TRPM3: variants seen among roughly 807,000 people sequenced by gnomAD.
TRPM3 encodes transient receptor potential cation channel subfamily M member 3.
A neutral mutation model predicts 181.2 loss-of-function variants in TRPM3; 77 were observed. That is an observed-to-expected ratio of 0.42 (90% CI 0.35 to 0.51). The LOEUF is 0.51. TRPM3 is among the 20% of genes least tolerant of loss of function. The pLI, the probability that TRPM3 is intolerant of heterozygous loss-of-function variation, is 0.01. For synonymous variants in TRPM3, 745 were observed against 796.4 expected (o/e 0.94, Z 1.09); for missense variants, 1,759 against 2,196.7 (o/e 0.80, Z 3.98).
intron 1 of TRPM3, among the ~76,000 whole-genome samples, chr9:70,875,208 A>G (rs1408532509): frequency 6.6e-6 from 1 of 151,934 alleles, no homozygotes; most frequent in Non-Finnish European, 1.5e-5. Flanking sequence ...ATGACCTTGG[A>G]GGAGTGACTT....
intron 1 of TRPM3, among the ~76,000 whole-genome samples, chr9:71,381,358 T>C (rs1479803936): frequency 6.6e-6 from 1 of 152,074 alleles, no homozygotes; most frequent in East Asian, 1.9e-4. Context: ...GGTGGGTATA[T>C]CACTGGGGAC....
At chr9:70,933,378 A>T (rs2096794195) in intron 1 of TRPM3, among the ~76,000 whole-genome samples, 1 of 152,226 alleles carries the variant, frequency 6.6e-6, no homozygotes, top group African/African-American at 2.4e-5. Context: ...TAACTCTAAC[A>T]TTTAAGGATT....
chr9:71,087,757 T>C (rs957765129), intron 1 of TRPM3, among the ~76,000 whole-genome samples: 9 of 152,110 alleles, frequency 5.9e-5, no homozygotes, highest in Non-Finnish European at 1.3e-4. Flanking sequence ...GTTGCATGTT[T>C]AGACCAACTC....
At position 71,168,003 on chromosome 9, in the gene TRPM3, C is replaced by A. The variant is rs529613864; in HGVS notation, c.183+278650G>T. 8.6e-4 allele frequency among the ~76,000 whole-genome samples: 131 copies of A among 152,212 alleles called. 1 individual carries two copies. The highest frequency in any genetic ancestry group is 2.5e-3 in the African/African-American group (103 of 41,538). On this transcript the variant is annotated intron_variant, in intron 1 of 24. Transcript: ENST00000357533. Reference sequence around the variant, plus strand: ...TAAAAATAAGTGCACTATGACATACCTCATTTAGAGGAAGAACTGTTATTA... The same window carrying A: ...TAAAAATAAGTGCACTATGACATACATCATTTAGAGGAAGAACTGTTATTA...
At chr9:71,216,855 C>T (rs1254664526) in intron 1 of TRPM3, among the ~76,000 whole-genome samples, 2 of 151,760 alleles carry the variant, frequency 1.3e-5, no homozygotes, top group Non-Finnish European at 2.9e-5. Context: ...ACATTACCAC[C>T]CAAGAAGACA....
At chr9:70,921,942 A>AACAAACACACAC (rs1554770508) in intron 1 of TRPM3, among the ~76,000 whole-genome samples, 3 of 139,500 alleles carry the variant, frequency 2.2e-5, no homozygotes, top group African/African-American at 8.2e-5. Context: ...CACACAAACA[A>AACAAACACACAC]ACACACACAC....
At chr9:71,201,543 T>A (rs990839197) in intron 1 of TRPM3, among the ~76,000 whole-genome samples, 2 of 152,214 alleles carry the variant, frequency 1.3e-5, no homozygotes, top group African/African-American at 4.8e-5. Context: ...TTTCACATAG[T>A]CCCATATTTC....
At chr9:71,239,886 C>T (rs2081565641) in intron 1 of TRPM3, among the ~76,000 whole-genome samples, 1 of 151,236 alleles carries the variant, frequency 6.6e-6, no homozygotes, top group South Asian at 2.1e-4. Flanking sequence ...TAATTTATAT[C>T]ACTACCCTAG....
chr9:71,332,073 T>G (rs1025422275), intron 1 of TRPM3, among the ~76,000 whole-genome samples: 1 of 150,878 alleles, frequency 6.6e-6, no homozygotes, highest in East Asian at 2.0e-4. Context: ...GAATAGAAAA[T>G]TCTGGTTAAT....
chr9:70,926,634 A>G (rs1454398843), intron 1 of TRPM3, among the ~76,000 whole-genome samples: 1 of 152,214 alleles, frequency 6.6e-6, no homozygotes, highest in Admixed American at 6.5e-5. Context: ...TTGGCTATCG[A>G]TTATAGAAGT....
At chr9:70,560,500 A>C (rs994461450) in intron 22 of TRPM3, among the ~76,000 whole-genome samples, 5 of 152,208 alleles carry the variant, frequency 3.3e-5, no homozygotes, top group African/African-American at 9.6e-5. Flanking sequence ...TTTTGACATG[A>C]TAGGTCTAAT....
chr9:70,663,899 TTTTA>T (rs1454686551), intron 9 of TRPM3, among the ~76,000 whole-genome samples: 1 of 152,172 alleles, frequency 6.6e-6, no homozygotes. Flanking sequence ...AGAGCACTGA[TTTTA>T]TTTATTATTT....
intron 1 of TRPM3, among the ~76,000 whole-genome samples, chr9:71,137,482 G>A (rs2074839272): frequency 6.6e-6 from 1 of 152,152 alleles, no homozygotes; most frequent in African/African-American, 2.4e-5. Flanking sequence ...GAGTTTTGAA[G>A]ATCCATTAGT....
intron 5 of TRPM3, among the ~76,000 whole-genome samples, chr9:70,837,308 A>T (rs1026019132): frequency 4.6e-5 from 7 of 152,330 alleles, no homozygotes; most frequent in Middle Eastern, 3.4e-3. Flanking sequence ...CTTGAAACAT[A>T]AAGATGGCAT....
At chr9:70,874,471 A>G (rs1360562761) in intron 1 of TRPM3, among the ~76,000 whole-genome samples, 1 of 151,974 alleles carries the variant, frequency 6.6e-6, no homozygotes, top group Non-Finnish European at 1.5e-5. Context: ...AGTGGACCCA[A>G]AGCCCTCATA....
intron 1 of TRPM3, among the ~76,000 whole-genome samples, chr9:71,110,977 T>G (rs2070944002): frequency 6.6e-6 from 1 of 152,174 alleles, no homozygotes; most frequent in South Asian, 2.1e-4. Flanking sequence ...TCTTAAGCAG[T>G]TCTAAGTAGA....
intron 25 of TRPM3, among the ~76,000 whole-genome samples, chr9:70,548,878 C>T (rs1344700581): frequency 2.1e-5 from 3 of 143,874 alleles, no homozygotes; most frequent in East Asian, 4.3e-4. Flanking sequence ...CTTTTTAATA[C>T]GCTGAGGTGT....
At chr9:71,103,256 C>CT (rs1565201368) in intron 1 of TRPM3, among the ~76,000 whole-genome samples, 1 of 152,080 alleles carries the variant, frequency 6.6e-6, no homozygotes, top group Non-Finnish European at 1.5e-5. Context: ...GTAAATACCC[C>CT]TATTATGCTT....
At chr9:71,047,680 T>C (rs1384515749) in intron 1 of TRPM3, among the ~76,000 whole-genome samples, 1 of 152,204 alleles carries the variant, frequency 6.6e-6, no homozygotes, top group African/African-American at 2.4e-5. Flanking sequence ...CAAGAACTCA[T>C]TCCTTTGTCA....
Sources: gnomAD v4.1 joint callset for allele counts (sites outside exome capture counted in the v4.1 genomes callset) on GRCh38, gnomAD v4.1.1 for gene constraint, MANE v1.5 for transcripts, NCBI Gene and HGNC (gene_info 2026-07-23, HGNC 2026-07-21) for gene names.